The following DENND4C variants were observed in gnomAD, a reference collection of about 807,000 sequenced individuals.
DENND4C encodes the protein DENN domain-containing protein 4C.
A neutral mutation model predicts 203.0 loss-of-function variants in DENND4C; 108 were observed. The ratio of observed to expected loss-of-function variants is 0.53; its 90% CI spans 0.46 to 0.62. The LOEUF (loss-of-function observed/expected upper bound fraction) is 0.62. DENND4C is among the 20% of genes least tolerant of loss of function. The probability of loss-of-function intolerance (pLI) is 0.00; values close to 1 mark genes in which losing one functional copy is unlikely to be tolerated. For synonymous variants in DENND4C, 871 were observed against 792.4 expected, an observed-to-expected ratio of 1.10 and a Z score of -1.67; for missense variants, 2,481 against 2,301.2, an observed-to-expected ratio of 1.08 and a Z score of -1.60.
chr9:19,367,548 C>T (rs1373020731), intron 30 of DENND4C, among the ~76,000 whole-genome samples: 1 of 152,216 alleles, frequency 6.6e-6, no homozygotes, highest in Non-Finnish European at 1.5e-5. Context: ...CCAACCTGGC[C>T]AACATGGGGA....
At position 19,352,525 on chromosome 9, in the gene DENND4C, T is replaced by G; in HGVS notation, c.4641T>G (p.Cys1547Trp). 6.3e-7 allele frequency: 1 copy of G among 1,579,312 alleles called. No individual in the cohort carries two copies. Residue 1547 changes from cysteine to tryptophan, a missense_variant, in exon 26 of 33, where the codon TGT (cysteine) becomes TGG (tryptophan). Transcript: ENST00000434457. ...CCAGTTGTTCACAGTGTAGAGCTTG[T>G]GGAGCTTTAGTTTATGATGAAGAAA... ...LMSSCSQCRA[C>W]GALVYDEEIM...
In DENND4C at chr9:19,352,614, AC is replaced by A; in HGVS notation, c.4731del (p.Phe1578SerfsTer7). The A allele has an allele frequency of 6.2e-7, 1 of 1,613,518 alleles. No homozygotes were observed. The highest frequency in any genetic ancestry group is 8.5e-7 in the Non-Finnish European group (1 of 1,179,596). On this transcript the variant is annotated frameshift_variant, in exon 26 of 33. Transcript: ENST00000434457. LOFTEE classifies it high-confidence loss of function. The part of the protein sequence containing the change: ...LNTACPFCKS[N>X]FLPLLNIEFK... ...ACAGCTTGTCCATTCTGTAAAAGCA[AC>A]TTCTTGCCTCTTCTCAATATAGAAT...
At chr9:19,368,452 A>G (rs977108324) in intron 30 of DENND4C, among the ~76,000 whole-genome samples, 11 of 152,162 alleles carry the variant, frequency 7.2e-5, no homozygotes, top group African/African-American at 2.4e-4. Context: ...TCTAATTAGC[A>G]CTAGACTCTG....
Position 19,347,072 on chromosome 9 carries a change from T to TACTCAGATGATGAGGTAAGAA in DENND4C, c.4305_4317+8dup. 1 of 1,613,034 alleles carries TACTCAGATGATGAGGTAAGAA rather than the reference T, an allele frequency of 6.2e-7. No homozygotes were observed. Among genetic ancestry groups the TACTCAGATGATGAGGTAAGAA allele is most frequent in the Non-Finnish European group, 8.5e-7 (1 of 1,179,286 alleles). On this transcript the variant is annotated inframe_insertion, in exon 23 of 33. Transcript: ENST00000434457. ...GGTAGCTGTTGCGTCTGCCTACAGC[T>TACTCAGATGATGAGGTAAGAA]ACTCAGATGATGAGGTAAGAAAGCT...
chr9:19,361,253 T>C (rs997481963), intron 29 of DENND4C, among the ~76,000 whole-genome samples: 3 of 152,218 alleles, frequency 2.0e-5, no homozygotes, highest in Non-Finnish European at 4.4e-5. Context: ...ATTTTTCAGA[T>C]GTTATAATTA....
intron 10 of DENND4C, among the ~76,000 whole-genome samples, chr9:19,314,635 A>T (rs142211862): frequency 1.3e-5 from 2 of 152,190 alleles, no homozygotes; most frequent in Non-Finnish European, 2.9e-5. Flanking sequence ...CCAAAATGCA[A>T]TGACTTGCTT....
chr9:19,344,234 A>AT (rs1822304174), intron 22 of DENND4C, among the ~76,000 whole-genome samples: 1 of 152,238 alleles, frequency 6.6e-6, no homozygotes, highest in Non-Finnish European at 1.5e-5. Context: ...AAAGCAATGG[A>AT]TAAAAAAGAA....
intron 9 of DENND4C, among the ~76,000 whole-genome samples, chr9:19,302,707 A>T (rs554115581): frequency 6.6e-6 from 1 of 152,186 alleles, no homozygotes; most frequent in South Asian, 2.1e-4. Flanking sequence ...CCCTTCAGCA[A>T]TCTGATCTTA....
At chr9:19,267,092 G>A (rs1053295474) in intron 1 of DENND4C, among the ~76,000 whole-genome samples, 4 of 152,086 alleles carry the variant, frequency 2.6e-5, no homozygotes, top group African/African-American at 4.8e-5. Context: ...TTCTGCAGCC[G>A]TTAGATGAAA....
intron 1 of DENND4C, among the ~76,000 whole-genome samples, chr9:19,247,014 C>G (rs1281488195): frequency 6.6e-6 from 1 of 152,142 alleles, no homozygotes; most frequent in African/African-American, 2.4e-5. Flanking sequence ...TGCACTCCCA[C>G]CAACTGAAAT....
intron 20 of DENND4C, among the ~76,000 whole-genome samples, chr9:19,337,386 T>A (rs1177373183): frequency 6.6e-6 from 1 of 152,198 alleles, no homozygotes; most frequent in East Asian, 1.9e-4. Flanking sequence ...GTGTGTTACA[T>A]ATCCTTCTTC....
At chr9:19,238,780 A>C in intron 1 of DENND4C, among the ~76,000 whole-genome samples, 1 of 147,482 alleles carries the variant, frequency 6.8e-6, no homozygotes, top group Non-Finnish European at 1.5e-5. Context: ...CAGCCTCCTA[A>C]GTAGTCGGGA....
chr9:19,235,633 C>CG (rs1564071377), intron 1 of DENND4C, among the ~76,000 whole-genome samples: 1 of 82,540 alleles, frequency 1.2e-5, no homozygotes, highest in Non-Finnish European at 2.4e-5. Context: ...TTTTTTGAGA[C>CG]GGAGTCTCGC....
rs1338264238 is a variant in DENND4C at position 19,343,334 on chromosome 9, A to ATT, written c.3151+556_3151+557dup. On this transcript the variant is annotated intron_variant, in intron 22 of 32. Coordinates refer to ENST00000434457, the MANE Select transcript of DENND4C (RefSeq NM_001330640.2). Reference sequence around the variant, plus strand: ...CCTTGAATTTGAGTTTTCTACTTTCATTATATATATAGGTCTCCCAAGACT... The same window carrying ATT: ...CCTTGAATTTGAGTTTTCTACTTTCATTTTATATATATAGGTCTCCCAAGACT... 2.6e-5 allele frequency among the ~76,000 whole-genome samples: 4 copies of ATT among 152,182 alleles called. No homozygotes were observed. In the East Asian group the frequency reaches 5.8e-4, roughly 22 times the overall value.
intron 19 of DENND4C, 109 bp from the exon 20 acceptor site, chr9:19,336,577 G>C: frequency 7.0e-7 from 1 of 1,436,622 alleles, no homozygotes; most frequent in Non-Finnish European, 9.2e-7. Flanking sequence ...TTTTTTTCCA[G>C]AAATTTAGAA....
In DENND4C at chr9:19,314,635, A is replaced by G. The variant is rs142211862; in HGVS notation, c.1488-1782A>G. Reference sequence around the variant, plus strand: ...ATGCAAAAAAAGATTCCAAAATGCAATGACTTGCTTAGAAAAAAAAACTGC... The same window carrying G: ...ATGCAAAAAAAGATTCCAAAATGCAGTGACTTGCTTAGAAAAAAAAACTGC... On this transcript the variant is annotated intron_variant, in intron 10 of 32. Transcript: ENST00000434457. Among the ~76,000 whole-genome samples the G allele has an allele frequency of 2.2e-4, 34 of 152,308 alleles. No homozygotes were observed. In the East Asian group the frequency reaches 3.9e-3, roughly 17 times the overall value.
Position 19,296,241 on chromosome 9 carries a change from T to A in DENND4C, c.1035T>A (p.Ile345=), listed in dbSNP as rs780381139. 1 of 1,587,414 alleles carries A rather than the reference T, an allele frequency of 6.3e-7. No individual in the cohort carries two copies. Among genetic ancestry groups the A allele is most frequent in the South Asian group, 1.1e-5 (1 of 90,322 alleles). Residue 345 remains isoleucine (I), a synonymous_variant, in exon 6 of 33, where the codon ATT becomes ATA. Transcript: ENST00000434457. ...LSVSGPHPLP[I]EKHISHFMQN... ...TGTCTGGACCACATCCTCTTCCCAT[T>A]GAAAAGTATGTATAATGATTAGAAA...
At chr9:19,292,072 T>A (rs1836443081) in intron 5 of DENND4C, among the ~76,000 whole-genome samples, 1 of 152,182 alleles carries the variant, frequency 6.6e-6, no homozygotes, top group Non-Finnish European at 1.5e-5. Flanking sequence ...TTGCCCAGGC[T>A]GGAGTGCAGT....
Position 19,316,626 on chromosome 9 carries a change from C to G in DENND4C, c.1594C>G (p.Gln532Glu). Residue 532 changes from glutamine (Q) to glutamate (E), a missense_variant, in exon 12 of 33, where the codon CAA becomes GAA. This residue lies in a region of DENND4C where 2,289 missense variants were observed against 2,113.3 expected (regional missense o/e 1.08). Coordinates refer to ENST00000434457, the MANE Select transcript of DENND4C (RefSeq NM_001330640.2). ...GTTTTTATTTCCTTTGTTAGTTCAC[C>G]AAAAAACTCAAGAAGGCTCAGCGAT... ...KLYPQLSSVHQKTQEGSAIDM... is the reference protein window; with the variant it reads ...KLYPQLSSVHEKTQEGSAIDM... 6.2e-7 allele frequency: 1 copy of G among 1,612,476 alleles called. No homozygotes were observed. Among genetic ancestry groups the G allele is most frequent in the Non-Finnish European group, 8.5e-7 (1 of 1,179,626 alleles).
Sources: allele counts gnomAD v4.1 joint callset (sites outside exome capture counted in the v4.1 genomes callset), GRCh38; gene constraint gnomAD v4.1.1; regional missense constraint gnomAD v4.1.1; transcripts MANE v1.5; gene names NCBI Gene and HGNC (gene_info 2026-07-23, HGNC 2026-07-21).